TACC2: variants seen among roughly 807,000 people sequenced by gnomAD.
TACC2 encodes the protein transforming acidic coiled-coil-containing protein 2.
In TACC2, 137 loss-of-function variants were observed where a neutral mutation model predicts 227.3. The observed-to-expected ratio is 0.60, with a 90% confidence interval of 0.52 to 0.69. The LOEUF (loss-of-function observed/expected upper bound fraction) is 0.69, where lower values mean the gene tolerates loss of function less well. Ranked by LOEUF, TACC2 falls within the 30% of genes least tolerant of loss-of-function variation. The probability of loss-of-function intolerance (pLI) is 0.00; values close to 1 mark genes in which losing one functional copy is unlikely to be tolerated. For missense variants in TACC2, 3,470 were observed against 3,694.4 expected, an observed-to-expected ratio of 0.94 and a Z score of 1.57; for synonymous variants, 1,523 against 1,487.5, an observed-to-expected ratio of 1.02 and a Z score of -0.55.
At chr10:122,229,142 G>A (rs1170951088) in intron 14 of TACC2, among the ~76,000 whole-genome samples, 1 of 151,988 alleles carries the variant, frequency 6.6e-6, no homozygotes, top group Non-Finnish European at 1.5e-5. Context: ...GGAGGGGGTC[G>A]GGTCTGCCAA....
chr10:122,236,160 G>A (rs572220656), intron 16 of TACC2, among the ~76,000 whole-genome samples: 2 of 152,216 alleles, frequency 1.3e-5, no homozygotes, highest in South Asian at 2.1e-4. Context: ...TTCTGGTGGT[G>A]GAAGAGACAA....
chr10:122,046,698 G>C (rs2075046425), intron 2 of TACC2, among the ~76,000 whole-genome samples: 1 of 152,028 alleles, frequency 6.6e-6, no homozygotes, highest in Non-Finnish European at 1.5e-5. Context: ...GCATCTGTCT[G>C]GGCTATTATT....
intron 2 of TACC2, among the ~76,000 whole-genome samples, chr10:122,037,335 GTA>G (rs1286283628): frequency 3.3e-5 from 5 of 152,202 alleles, no homozygotes; most frequent in Admixed American, 6.5e-5. Flanking sequence ...TCTACCTGTG[GTA>G]CAAAGCCATG....
chr10:122,036,597 T>G (rs1960483100), intron 2 of TACC2, among the ~76,000 whole-genome samples: 1 of 151,396 alleles, frequency 6.6e-6, no homozygotes, highest in African/African-American at 2.4e-5. Context: ...ATCTCCCAAG[T>G]TCAAGTGATT....
At position 122,229,452 on chromosome 10, in the gene TACC2, A is replaced by G. The variant is rs1392517494; in HGVS notation, c.8003A>G (p.Glu2668Gly). Reference protein sequence around the residue: ...ALDYLEPDLAEKNPPLFAQKL... With the variant: ...ALDYLEPDLAGKNPPLFAQKL... ...GACTATCTGGAGCCCGACTTAGCAG[A>G]AAAGAACCCCCCACTATTCGCTCAG... is the stretch of plus-strand genomic sequence containing the variant. The change falls in exon 15 of 23, where the codon GAA becomes GGA. Residue 2668 changes from glutamate to glycine, a missense_variant. This residue lies in a region of TACC2 where 345 missense variants were observed against 354.4 expected (regional missense o/e 0.97). Coordinates refer to ENST00000369005, the MANE Select transcript of TACC2 (RefSeq NM_206862.4). The G allele has an allele frequency of 1.2e-6, 2 of 1,613,986 alleles. No homozygotes were observed. The highest frequency in any genetic ancestry group is 4.5e-5 in the East Asian group (2 of 44,862).
At chr10:122,162,972 T>C (rs1025514498) in intron 7 of TACC2, among the ~76,000 whole-genome samples, 1 of 151,962 alleles carries the variant, frequency 6.6e-6, no homozygotes, top group Non-Finnish European at 1.5e-5. Flanking sequence ...TGGCCAAAGA[T>C]GGTGTTGCAG....
At chr10:122,102,776 T>C (rs1206836605) in intron 5 of TACC2, among the ~76,000 whole-genome samples, 2 of 152,190 alleles carry the variant, frequency 1.3e-5, no homozygotes, top group Non-Finnish European at 1.5e-5. Flanking sequence ...TGAACTGGGC[T>C]CTGTGTGCCC....
rs528290533 is a variant in TACC2, at chr10:122,029,100, C to T, written c.33+7086C>T. On this transcript the variant is annotated intron_variant, in intron 2 of 22. Coordinates refer to ENST00000369005, the MANE Select transcript of TACC2 (RefSeq NM_206862.4). Reference sequence around the variant, plus strand: ...GAGCGGTGAGAGGGGACATTTTTCCCTGGTTCCTAGTCTGAGGAGGAAAGC... The same window carrying T: ...GAGCGGTGAGAGGGGACATTTTTCCTTGGTTCCTAGTCTGAGGAGGAAAGC... 5.4e-4 allele frequency among the ~76,000 whole-genome samples: 79 copies of T among 147,164 alleles called. No individual in the cohort carries two copies. In the South Asian group the frequency reaches 0.011, roughly 20 times the overall value.
At chr10:122,134,000 C>T (rs1188628305) in intron 6 of TACC2, among the ~76,000 whole-genome samples, 1 of 152,070 alleles carries the variant, frequency 6.6e-6, no homozygotes. Context: ...AGGCGGCCGA[C>T]AGCACCAAGA....
At chr10:122,206,090 G>GT (rs2095096484) in intron 8 of TACC2, among the ~76,000 whole-genome samples, 2 of 151,940 alleles carry the variant, frequency 1.3e-5, no homozygotes, top group Non-Finnish European at 2.9e-5. Context: ...TCACTGGGGG[G>GT]CGGGGGGAAA....
chr10:121,997,869 T>C (rs1953745099), intron 1 of TACC2, among the ~76,000 whole-genome samples: 1 of 152,008 alleles, frequency 6.6e-6, no homozygotes, highest in Non-Finnish European at 1.5e-5. Flanking sequence ...GATCCAATGC[T>C]CTGAATCCCA....
chr10:122,006,479 T>A (rs1032892818), intron 1 of TACC2, among the ~76,000 whole-genome samples: 2 of 146,044 alleles, frequency 1.4e-5, no homozygotes. Flanking sequence ...AATAAATAAA[T>A]AAAAAATAGG....
chr10:122,226,346 T>A lies in TACC2; in HGVS notation c.7609-20T>A. 1 of 1,576,784 alleles carries A rather than the reference T, an allele frequency of 6.3e-7. No individual in the cohort carries two copies. The highest frequency in any genetic ancestry group is 1.7e-5 in the Admixed American group (1 of 59,840). ...CAGGCCAACTGTACCCAAGCTGATA[T>A]GTGATTTTGATCCCTGCAGCAGGAC... On this transcript the variant is annotated intron_variant, in intron 12 of 22. Coordinates refer to ENST00000369005, the MANE Select transcript of TACC2 (RefSeq NM_206862.4).
chr10:122,249,212 C>A, intron 21 of TACC2, 56 bp downstream of exon 21: 1 of 1,376,824 alleles, frequency 7.3e-7, no homozygotes, highest in Non-Finnish European at 1.0e-6. Context: ...CCCTTTTACC[C>A]AGGCAGGCTG....
intron 11 of TACC2, among the ~76,000 whole-genome samples, chr10:122,217,259 A>G (rs1229778103): frequency 6.6e-6 from 1 of 151,968 alleles, no homozygotes. Flanking sequence ...GTGTTCAGAC[A>G]CTATGGCCAC....
intron 3 of TACC2, 35 bp from the exon 4 acceptor site, chr10:122,082,612 T>A (rs2079646496): frequency 6.4e-7 from 1 of 1,570,682 alleles, no homozygotes; most frequent in African/African-American, 1.4e-5. Context: ...GTCCTTGGCA[T>A]CCATGATAAC....
At chr10:122,043,461 CTTTCTTTCTTTCTTTTTCTCTTTCTT>C (rs2074553435) in intron 2 of TACC2, among the ~76,000 whole-genome samples, 1 of 150,672 alleles carries the variant, frequency 6.6e-6, no homozygotes, top group African/African-American at 2.4e-5. Flanking sequence ...CTTTCTTTCT[CTTTCTTTCTTTCTTTTTCTCTTTCTT>C]TTTCTTTCTT....
chr10:122,144,992 T>C (rs1428175480), intron 7 of TACC2, among the ~76,000 whole-genome samples: 1 of 152,170 alleles, frequency 6.6e-6, no homozygotes, highest in Non-Finnish European at 1.5e-5. Flanking sequence ...CAAGCAGAGG[T>C]TGGGGAGCAG....
At chr10:122,107,874 A>ATTT (rs1341632232) in intron 5 of TACC2, among the ~76,000 whole-genome samples, 5 of 85,630 alleles carry the variant, frequency 5.8e-5, no homozygotes, top group Non-Finnish European at 1.2e-4. Context: ...ATATATATAT[A>ATTT]TATATATTTT....
Sources: allele counts gnomAD v4.1 joint callset (sites outside exome capture counted in the v4.1 genomes callset), GRCh38; gene constraint gnomAD v4.1.1; regional missense constraint gnomAD v4.1.1; transcripts MANE v1.5; gene names NCBI Gene and HGNC (gene_info 2026-07-23, HGNC 2026-07-21).